TRPC4: variants seen among roughly 807,000 people sequenced by gnomAD.
TRPC4 encodes the protein short transient receptor potential channel 4.
A neutral mutation model predicts 99.4 loss-of-function variants in TRPC4; 49 were observed. The ratio of observed to expected loss-of-function variants is 0.49; its 90% CI spans 0.39 to 0.63. TRPC4 has a LOEUF of 0.63. Among genes scored for constraint, TRPC4 ranks in the 20% least tolerant of loss-of-function variants. TRPC4 has a pLI of 0.00. For missense variants in TRPC4, 898 were observed against 1,152.9 expected, an observed-to-expected ratio of 0.78 and a Z score of 3.20; for synonymous variants, 454 against 425.9, an observed-to-expected ratio of 1.07 and a Z score of -0.81.
chr13:37,834,462 A>G (rs908812612), intron 1 of TRPC4, among the ~76,000 whole-genome samples: 2 of 152,250 alleles, frequency 1.3e-5, no homozygotes, highest in African/African-American at 4.8e-5. Flanking sequence ...TGGGTCAAAA[A>G]TGATCAAGCT....
intron 1 of TRPC4, among the ~76,000 whole-genome samples, chr13:37,792,723 TTGTGTGTGTG>T (rs57918365): frequency 0.019 from 2,795 of 146,622 alleles, 90 homozygotes; most frequent in African/African-American, 0.065. Flanking sequence ...GCTTCTAAAT[TTGTGTGTGTG>T]TGTGTGTGTG....
rs1201399672 is a variant in TRPC4, at chr13:37,636,061, G to A, written c.*842C>T. On this transcript the variant is annotated 3_prime_UTR_variant, in exon 11 of 11. Coordinates refer to ENST00000379705, the MANE Select transcript of TRPC4 (RefSeq NM_016179.4). The stretch of plus-strand genomic sequence containing the variant: ...TTATTAGTATGTAATCATCTTGCTT[G>A]TTTAAGATACTTACAATATTATGGT... 1.3e-5 allele frequency among the ~76,000 whole-genome samples: 2 copies of A among 152,038 alleles called. No individual in the cohort carries two copies. The highest frequency in any genetic ancestry group is 2.1e-4 in the South Asian group (1 of 4,826).
intron 1 of TRPC4, among the ~76,000 whole-genome samples, chr13:37,842,288 T>TTATACA (rs945078331): frequency 9.2e-6 from 1 of 108,322 alleles, no homozygotes; most frequent in Non-Finnish European, 1.8e-5. Flanking sequence ...AAAAAAAACC[T>TTATACA]TATACAGATG....
At position 37,636,717 on chromosome 13, in the gene TRPC4, G is replaced by C; in HGVS notation, c.*186C>G. The C allele has an allele frequency of 3.1e-6, 2 of 641,974 alleles. No homozygotes were observed. Among genetic ancestry groups the C allele is most frequent in the Non-Finnish European group, 4.7e-6 (2 of 428,256 alleles). The allele number at this position is 641,974 out of a possible 1,614,324, so 39.8% of individuals were successfully genotyped here. On this transcript the variant is annotated 3_prime_UTR_variant, in exon 11 of 11. Coordinates refer to ENST00000379705, the MANE Select transcript of TRPC4 (RefSeq NM_016179.4). ...AAGACAAATTGTGAAAGCAAAAGCAGGCTACAAAACAAAAAGGTTTTTGAT... is the reference window on the plus strand; with the variant it reads ...AAGACAAATTGTGAAAGCAAAAGCACGCTACAAAACAAAAAGGTTTTTGAT...
intron 1 of TRPC4, among the ~76,000 whole-genome samples, chr13:37,842,576 A>T (rs1273931691): frequency 6.6e-6 from 1 of 152,144 alleles, no homozygotes; most frequent in South Asian, 2.1e-4. Flanking sequence ...AGATTAAGGT[A>T]GCGGCAAGTC....
intron 6 of TRPC4, 30 bp downstream of exon 6, chr13:37,663,386 A>G (rs1952520389): frequency 1.9e-6 from 3 of 1,585,638 alleles, no homozygotes; most frequent in Non-Finnish European, 1.7e-6. Flanking sequence ...GCTGTACAAC[A>G]TTACCAGTAG....
At chr13:37,702,951 G>C (rs1356406738) in intron 3 of TRPC4, among the ~76,000 whole-genome samples, 3 of 152,092 alleles carry the variant, frequency 2.0e-5, no homozygotes, top group Non-Finnish European at 2.9e-5. Context: ...AGTGAAGATA[G>C]GGCTTTTTAT....
intron 4 of TRPC4, among the ~76,000 whole-genome samples, chr13:37,689,032 G>C (rs59717670): frequency 1.3e-5 from 2 of 152,026 alleles, no homozygotes; most frequent in Non-Finnish European, 2.9e-5. Flanking sequence ...TATATATTAC[G>C]CTTCTGGTTA....
intron 3 of TRPC4, among the ~76,000 whole-genome samples, chr13:37,732,805 A>C (rs1015314149): frequency 5.3e-5 from 8 of 152,188 alleles, no homozygotes; most frequent in Non-Finnish European, 1.2e-4. Flanking sequence ...CTGATGAAAG[A>C]AATAGTAGAT....
At chr13:37,699,261 T>C (rs984769860) in intron 3 of TRPC4, among the ~76,000 whole-genome samples, 2 of 152,176 alleles carry the variant, frequency 1.3e-5, no homozygotes, top group African/African-American at 4.8e-5. Context: ...GGTATCACCA[T>C]TATTGCATAT....
chr13:37,714,035 G>T (rs1026471992), intron 3 of TRPC4, among the ~76,000 whole-genome samples: 2 of 151,338 alleles, frequency 1.3e-5, no homozygotes, highest in Admixed American at 6.6e-5. Context: ...ACCCAAGCTT[G>T]CTTCCTTCCT....
chr13:37,738,493 A>G (rs1955472965), intron 3 of TRPC4, among the ~76,000 whole-genome samples: 1 of 152,182 alleles, frequency 6.6e-6, no homozygotes, highest in South Asian at 2.1e-4. Flanking sequence ...CTCAGCCTTG[A>G]TTGCACATTA....
In TRPC4 at chr13:37,751,283, C is replaced by T. The variant is rs368977534; in HGVS notation, c.379-4828G>A. Among the ~76,000 whole-genome samples the T allele has an allele frequency of 6.5e-4, 99 of 152,206 alleles. 1 individual carries two copies. The highest frequency in any genetic ancestry group is 3.4e-3 in the Middle Eastern group (1 of 294). On this transcript the variant is annotated intron_variant, in intron 2 of 10. Transcript: ENST00000379705. ...TCAGCTCTGCATCAGGGTCTAACGG[C>T]TTCCGCTTCCCAATCCTGCTTCTTT...
At chr13:37,857,430 T>C (rs563234399) in intron 1 of TRPC4, among the ~76,000 whole-genome samples, 8 of 151,724 alleles carry the variant, frequency 5.3e-5, no homozygotes, top group Admixed American at 4.6e-4. Context: ...CTAAAATGTA[T>C]ATGCAACCAC....
intron 2 of TRPC4, among the ~76,000 whole-genome samples, chr13:37,763,795 T>C (rs1271190885): frequency 6.6e-6 from 1 of 151,666 alleles, no homozygotes; most frequent in Non-Finnish European, 1.5e-5. Context: ...TCAGAACATA[T>C]TGGAGTATGC....
At chr13:37,777,642 T>A (rs1396648942) in intron 2 of TRPC4, among the ~76,000 whole-genome samples, 58 of 152,024 alleles carry the variant, frequency 3.8e-4, no homozygotes, top group Non-Finnish European at 4.4e-5. Flanking sequence ...TGATGCTTAA[T>A]CTTTTCACAT....
intron 8 of TRPC4, among the ~76,000 whole-genome samples, chr13:37,640,821 T>G (rs1951692839): frequency 6.6e-6 from 1 of 152,170 alleles, no homozygotes; most frequent in Admixed American, 6.5e-5. Flanking sequence ...TTTAACATTC[T>G]CACCATAAAT....
chr13:37,730,868 C>G (rs1955218146), intron 3 of TRPC4, among the ~76,000 whole-genome samples: 1 of 152,012 alleles, frequency 6.6e-6, no homozygotes. Flanking sequence ...ATGGCAGCTT[C>G]TTTGACATTA....
chr13:37,810,060 A>G lies in TRPC4; in HGVS notation c.-27-26700T>C, dbSNP rs78108256. ...TTGCAAAGGAAACATGGCACAATAGAAACAAATCCAATTAATTACTTGAGG... is the reference window on the plus strand; with the variant it reads ...TTGCAAAGGAAACATGGCACAATAGGAACAAATCCAATTAATTACTTGAGG... On this transcript the variant is annotated intron_variant, in intron 1 of 10. Transcript: ENST00000379705. 8.2e-3 allele frequency among the ~76,000 whole-genome samples: 1,243 copies of G among 152,240 alleles called. 24 individuals carry two copies. The East Asian group carries it at 0.1, about 12-fold the overall frequency.
Sources: gnomAD v4.1 joint callset for allele counts (sites outside exome capture counted in the v4.1 genomes callset) on GRCh38, gnomAD v4.1.1 for gene constraint, MANE v1.5 for transcripts, NCBI Gene and HGNC (gene_info 2026-07-23, HGNC 2026-07-21) for gene names.